The following UVRAG variants were observed in gnomAD, a reference collection of about 807,000 sequenced individuals.
UVRAG encodes the protein UV radiation resistance associated.
Under a neutral mutation model 78.0 loss-of-function variants are expected in UVRAG, and 19 were observed. The observed-to-expected ratio is 0.24, with a 90% CI of 0.17 to 0.36. UVRAG has a LOEUF of 0.36. Ranked by LOEUF, UVRAG falls within the 10% of genes least tolerant of loss-of-function variation. The probability of loss-of-function intolerance (pLI) is 1.00; values close to 1 mark genes in which losing one functional copy is unlikely to be tolerated. For synonymous variants in UVRAG, 323 were observed against 324.6 expected, an observed-to-expected ratio of 1.00 and a Z score of 0.05; for missense variants, 740 against 853.8, an observed-to-expected ratio of 0.87 and a Z score of 1.66.
At chr11:76,062,996 C>T (rs952980759) in intron 12 of UVRAG, among the ~76,000 whole-genome samples, 2 of 152,124 alleles carry the variant, frequency 1.3e-5, no homozygotes, top group African/African-American at 4.8e-5. Flanking sequence ...CTTCTGTTAC[C>T]GCAGCCTGGG....
intron 3 of UVRAG, among the ~76,000 whole-genome samples, chr11:75,867,845 GAA>G (rs1306615385): frequency 6.6e-6 from 1 of 152,150 alleles, no homozygotes; most frequent in Non-Finnish European, 1.5e-5. Context: ...TAAATCAAGA[GAA>G]ATATTTTAAA....
intron 4 of UVRAG, among the ~76,000 whole-genome samples, chr11:75,882,393 A>T (rs1946969640): frequency 1.3e-5 from 2 of 152,066 alleles, no homozygotes; most frequent in Non-Finnish European, 1.5e-5. Context: ...TGTGCCTGTA[A>T]TCCCAGCTAC....
At chr11:76,134,510 C>T (rs1160604597) in intron 14 of UVRAG, among the ~76,000 whole-genome samples, 4 of 152,040 alleles carry the variant, frequency 2.6e-5, no homozygotes, top group Non-Finnish European at 5.9e-5. Flanking sequence ...GTAGGAGTTT[C>T]GTTTGTTCCT....
chr11:75,978,120 A>G (rs1205060856), intron 7 of UVRAG, among the ~76,000 whole-genome samples: 1 of 152,066 alleles, frequency 6.6e-6, no homozygotes, highest in African/African-American at 2.4e-5. Flanking sequence ...TTTCTCCTTC[A>G]CTTATGAAGC....
intron 8 of UVRAG, among the ~76,000 whole-genome samples, chr11:75,992,734 A>G (rs1326971668): frequency 6.6e-6 from 1 of 152,340 alleles, no homozygotes; most frequent in East Asian, 1.9e-4. Flanking sequence ...AACATATACT[A>G]TTATATGCTT....
At chr11:76,044,722 C>T (rs111937514) in intron 12 of UVRAG, among the ~76,000 whole-genome samples, 3,618 of 151,958 alleles carry the variant, frequency 0.024, 148 homozygotes, top group African/African-American at 0.081. Context: ...TGTAGTGAGC[C>T]GAGATTGTGC....
At chr11:75,877,634 C>T (rs1352717917) in intron 3 of UVRAG, among the ~76,000 whole-genome samples, 2 of 132,608 alleles carry the variant, frequency 1.5e-5, no homozygotes, top group South Asian at 2.5e-4. Flanking sequence ...CCCTCCCGGA[C>T]GGAGCGGCTG....
At chr11:75,932,265 C>CTTTATTTATTTA (rs71272238) in intron 6 of UVRAG, among the ~76,000 whole-genome samples, 28 of 149,566 alleles carry the variant, frequency 1.9e-4, no homozygotes, top group South Asian at 4.3e-4. Context: ...ATTATATGAT[C>CTTTATTTATTTA]TTTATTTATT....
chr11:75,935,977 A>C (rs2135122113), intron 6 of UVRAG, among the ~76,000 whole-genome samples: 1 of 152,298 alleles, frequency 6.6e-6, no homozygotes, highest in Middle Eastern at 3.4e-3. Flanking sequence ...ACTCTCTGTC[A>C]ATCTGAAATA....
At chr11:76,082,803 A>G (rs554968062) in intron 13 of UVRAG, among the ~76,000 whole-genome samples, 4 of 152,272 alleles carry the variant, frequency 2.6e-5, no homozygotes, top group Non-Finnish European at 2.9e-5. Context: ...ACCGAGGCAG[A>G]TGGATCACTT....
intron 6 of UVRAG, among the ~76,000 whole-genome samples, chr11:75,954,180 T>G (rs907519750): frequency 1.3e-5 from 2 of 152,208 alleles, no homozygotes; most frequent in African/African-American, 4.8e-5. Context: ...TCTGAAAGTC[T>G]ATTTGGATAA....
chr11:75,830,179 G>A lies in UVRAG; in HGVS notation c.117+14655G>A, dbSNP rs1945622686. The stretch of plus-strand genomic sequence containing the variant: ...AAATTCCTTCTGGGTATCAGATACT[G>A]CATTATACTCTAGTGTACTTCTTTC... On this transcript the variant is annotated intron_variant, in intron 1 of 14. Coordinates refer to ENST00000356136, the MANE Select transcript of UVRAG (RefSeq NM_003369.4). Among the ~76,000 whole-genome samples the A allele has an allele frequency of 3.3e-5, 5 of 152,100 alleles. No homozygotes were observed. The South Asian group carries it at 1.0e-3, about 32-fold the overall frequency.
intron 5 of UVRAG, among the ~76,000 whole-genome samples, chr11:75,907,727 C>T (rs939257888): frequency 1.7e-4 from 25 of 151,116 alleles, no homozygotes; most frequent in African/African-American, 5.6e-4. Context: ...TGGTGTCTCA[C>T]TGTATTGTCC....
At chr11:75,918,137 C>G (rs1311214349) in intron 6 of UVRAG, among the ~76,000 whole-genome samples, 1 of 148,470 alleles carries the variant, frequency 6.7e-6, no homozygotes, top group Non-Finnish European at 1.5e-5. Context: ...GAGGCCGAGA[C>G]GGGCAGATCA....
chr11:75,916,095 A>G (rs1460929961), intron 6 of UVRAG: 2 of 152,072 alleles, frequency 1.3e-5, no homozygotes, highest in Non-Finnish European at 2.9e-5. Flanking sequence ...GTTTTTTTCT[A>G]GTATAGTTTT....
At chr11:76,002,351 A>G (rs569128943) in intron 8 of UVRAG, among the ~76,000 whole-genome samples, 4 of 151,942 alleles carry the variant, frequency 2.6e-5, no homozygotes, top group Admixed American at 6.6e-5. Context: ...TGATTGGGAT[A>G]TTTTTTTTAA....
chr11:76,096,896 C>T (rs932403993), intron 13 of UVRAG, among the ~76,000 whole-genome samples: 86 of 152,254 alleles, frequency 5.6e-4, no homozygotes, highest in African/African-American at 1.9e-3. Flanking sequence ...GCTCCAAGGA[C>T]CTCAAGGGCA....
chr11:75,864,659 A>C (rs1946499483), intron 3 of UVRAG, among the ~76,000 whole-genome samples: 1 of 152,292 alleles, frequency 6.6e-6, no homozygotes, highest in Admixed American at 6.5e-5. Context: ...TGCTTGGCAC[A>C]CAGAAGACGC....
At chr11:76,118,235 A>G (rs1952220215) in intron 14 of UVRAG, among the ~76,000 whole-genome samples, 1 of 152,204 alleles carries the variant, frequency 6.6e-6, no homozygotes, top group Non-Finnish European at 1.5e-5. Context: ...TGGCTGATGT[A>G]CAGGAATAGC....
Sources: allele counts gnomAD v4.1 joint callset (sites outside exome capture counted in the v4.1 genomes callset), GRCh38; gene constraint gnomAD v4.1.1; transcripts MANE v1.5; gene names NCBI Gene and HGNC (gene_info 2026-07-23, HGNC 2026-07-21).